PCSK9: variants seen among roughly 807,000 people sequenced by gnomAD.
PCSK9 encodes the protein proprotein convertase subtilisin/kexin type 9.
Under a neutral mutation model 62.1 loss-of-function variants are expected in PCSK9, and 57 were observed. The ratio of observed to expected loss-of-function variants is 0.92; its 90% confidence interval spans 0.74 to 1.14. The LOEUF is 1.14. Ranked by LOEUF, PCSK9 falls within the 50% of genes most tolerant of loss-of-function variation. PCSK9 has a pLI of 0.00. For missense variants in PCSK9, 870 were observed against 959.8 expected (o/e 0.91, Z 1.24); for synonymous variants, 387 against 409.4 (o/e 0.95, Z 0.66).
chr1:55,056,149 G>C lies in PCSK9; in HGVS notation c.956G>C (p.Arg319Pro). 6.5e-7 allele frequency: 1 copy of C among 1,540,474 alleles called. No individual in the cohort carries two copies. Among genetic ancestry groups the C allele is most frequent in the Non-Finnish European group, 8.8e-7 (1 of 1,136,058 alleles). ...VVLVTAAGNFRDDACLYSPAS... is the reference protein window; with the variant it reads ...VVLVTAAGNFPDDACLYSPAS... ...CTGGTCACCGCTGCCGGCAACTTCC[G>C]GGACGATGCCTGCCTCTACTCCCCA... The change falls in exon 6 of 12, where the codon CGG becomes CCG. Residue 319 changes from arginine to proline, a missense_variant. Arg to Pro is a moderately radical substitution (Grantham distance 103, BLOSUM62 -2). Coordinates refer to ENST00000302118, the MANE Select transcript of PCSK9 (RefSeq NM_174936.4).
intron 3 of PCSK9, among the ~76,000 whole-genome samples, chr1:55,048,411 C>T (rs1310757034): frequency 2.6e-5 from 4 of 152,212 alleles, no homozygotes; most frequent in East Asian, 1.9e-4. Context: ...TCTTTGGCAG[C>T]CACTGTTCCC....
At chr1:55,041,462 G>A (rs565758475) in intron 1 of PCSK9, among the ~76,000 whole-genome samples, 5 of 152,282 alleles carry the variant, frequency 3.3e-5, no homozygotes, top group African/African-American at 1.2e-4. Context: ...GAAATAGTGA[G>A]TACCCCATCC....
chr1:55,057,272 G>C, intron 6 of PCSK9, 59 bp from the exon 7 acceptor site: 1 of 1,562,232 alleles, frequency 6.4e-7, no homozygotes, highest in Non-Finnish European at 8.8e-7. Flanking sequence ...GCCTGAGTCT[G>C]CCTCTGCAAC....
At chr1:55,047,569 A>T (rs1226448897) in intron 3 of PCSK9, among the ~76,000 whole-genome samples, 2 of 152,162 alleles carry the variant, frequency 1.3e-5, no homozygotes, top group African/African-American at 2.4e-5. Flanking sequence ...TGAGACTCCA[A>T]TGAGTTGAAG....
intron 2 of PCSK9, among the ~76,000 whole-genome samples, chr1:55,044,519 G>C (rs914968675): frequency 9.2e-5 from 14 of 152,138 alleles, no homozygotes; most frequent in Admixed American, 6.5e-5. Context: ...CTCCCTCCTG[G>C]ATGTCACATC....
rs201557607 is a variant in PCSK9, at chr1:55,063,555, C to G, written c.2050C>G (p.Leu684Val). The change falls in exon 12 of 12, where the codon CTG becomes GTG. Residue 684 changes from leucine to valine, a missense_variant. Coordinates refer to ENST00000302118, the MANE Select transcript of PCSK9 (RefSeq NM_174936.4). ...TGCCATCTGCTGCCGGAGCCGGCAC[C>G]TGGCGCAGGCCTCCCAGGAGCTCCA... Reference protein sequence around the residue: ...AVAICCRSRHLAQASQELQ With the variant: ...AVAICCRSRHVAQASQELQ 108 of 1,612,650 alleles carry G rather than the reference C, an allele frequency of 6.7e-5. No homozygotes were observed. The highest frequency in any genetic ancestry group is 8.5e-5 in the Non-Finnish European group (100 of 1,179,910).
At position 55,039,680 on chromosome 1, in the gene PCSK9, C is replaced by T; in HGVS notation, c.-158C>T. ...GCGTCGTTGCAGCAGCGGCTCCCAG[C>T]TCCCAGCCAGGATTCCGCGCGCCCC... On this transcript the variant is annotated 5_prime_UTR_variant, in exon 1 of 12. Coordinates refer to ENST00000302118, the MANE Select transcript of PCSK9 (RefSeq NM_174936.4). 1.2e-6 allele frequency: 1 copy of T among 857,260 alleles called. No individual in the cohort carries two copies. Among genetic ancestry groups the T allele is most frequent in the Non-Finnish European group, 1.8e-6 (1 of 558,836 alleles). The allele number at this position is 857,260 out of a possible 1,614,324, so 53.1% of individuals were successfully genotyped here. A position where few individuals can be genotyped will look rare whatever the true frequency, so the allele number is the denominator to read the frequency against.
chr1:55,045,699 AT>A (rs373507733), intron 2 of PCSK9, among the ~76,000 whole-genome samples: 22,398 of 139,622 alleles, frequency 0.16, 1,737 homozygotes, highest in African/African-American at 0.23. Context: ...GATGCACACC[AT>A]TTTTTTTTTT....
At position 55,063,778 on chromosome 1, in the gene PCSK9, G is replaced by A; in HGVS notation, c.*194G>A. On this transcript the variant is annotated 3_prime_UTR_variant, in exon 12 of 12. Coordinates refer to ENST00000302118, the MANE Select transcript of PCSK9 (RefSeq NM_174936.4). The stretch of plus-strand genomic sequence containing the variant: ...TGCCTGGAACTCACTCACTCTGGGT[G>A]CCTCCTCCCCAGGTGGAGGTGCCAG... 1.5e-6 allele frequency: 1 copy of A among 657,752 alleles called. No individual in the cohort carries two copies. The highest frequency in any genetic ancestry group is 2.6e-6 in the Non-Finnish European group (1 of 391,866). 40.7% of individuals were successfully genotyped at this position (657,752 alleles called of 1,614,324 possible).
chr1:55,056,197 C>T lies in PCSK9; in HGVS notation c.996+8C>T. 1 of 1,088,108 alleles carries T rather than the reference C, an allele frequency of 9.2e-7. No homozygotes were observed. Among genetic ancestry groups the T allele is most frequent in the Non-Finnish European group, 1.1e-6 (1 of 882,974 alleles). 67.4% of individuals were successfully genotyped at this position (1,088,108 alleles called of 1,614,324 possible). A position where few individuals can be genotyped will look rare whatever the true frequency, so the allele number is the denominator to read the frequency against. ...CCAGCCTCAGCTCCCGAGGTAGGTG[C>T]TGGGGCTGCTGCCCCAAGGCGCGGG... On this transcript the variant is annotated splice_region_variant and intron_variant, in intron 6 of 11. Coordinates refer to ENST00000302118, the MANE Select transcript of PCSK9 (RefSeq NM_174936.4).
In PCSK9 at chr1:55,040,126, C is replaced by T; in HGVS notation, c.207+82C>T. On this transcript the variant is annotated intron_variant, in intron 1 of 11. Transcript: ENST00000302118. The surrounding 1 kb of genome is among the most constrained non-coding windows in gnomAD (Gnocchi z 4.1). Reference sequence around the variant, plus strand: ...TGTTTCCTCTCGGGCCTCAGTTTCCCCCCATGTAAGAGAGGAAGTGGAGTG... The same window carrying T: ...TGTTTCCTCTCGGGCCTCAGTTTCCTCCCATGTAAGAGAGGAAGTGGAGTG... 1.3e-6 allele frequency: 2 copies of T among 1,495,944 alleles called. No individual in the cohort carries two copies. The highest frequency in any genetic ancestry group is 1.2e-5 in the South Asian group (1 of 81,742). 92.7% of individuals were successfully genotyped at this position (1,495,944 alleles called of 1,614,324 possible).
intron 1 of PCSK9, among the ~76,000 whole-genome samples, chr1:55,041,926 AAGG>A (rs1187252133): frequency 6.6e-6 from 1 of 152,162 alleles, no homozygotes; most frequent in African/African-American, 2.4e-5. Flanking sequence ...GGTGGAAGAT[AAGG>A]AGCACATGTC....
At chr1:55,056,603 A>G (rs1644717213) in intron 6 of PCSK9, among the ~76,000 whole-genome samples, 1 of 152,054 alleles carries the variant, frequency 6.6e-6, no homozygotes, top group Non-Finnish European at 1.5e-5. Context: ...CGGCTCCATG[A>G]CTGACAACTT....
At chr1:55,058,306 G>T (rs1320369596) in intron 8 of PCSK9, 97 bp downstream of exon 8, 3 of 1,511,210 alleles carry the variant, frequency 2.0e-6, no homozygotes, top group Non-Finnish European at 2.7e-6. Context: ...GTGTAAGGAG[G>T]ATGACGCCAC....
chr1:55,061,247 T>A, intron 10 of PCSK9, 128 bp from the exon 11 acceptor site: 2 of 1,084,734 alleles, frequency 1.8e-6, no homozygotes. Context: ...TCTCTTTTTT[T>A]CTTTGAGTTG....
At position 55,052,702 on chromosome 1, in the gene PCSK9, G is replaced by T; in HGVS notation, c.710G>T (p.Arg237Leu). 6.2e-7 allele frequency: 1 copy of T among 1,613,154 alleles called. No individual in the cohort carries two copies. The highest frequency in any genetic ancestry group is 8.5e-7 in the Non-Finnish European group (1 of 1,179,950). ...GTHLAGVVSGRDAGVAKGASM... is the reference protein window; with the variant it reads ...GTHLAGVVSGLDAGVAKGASM... Reference sequence around the variant, plus strand: ...CACCTGGCAGGGGTGGTCAGCGGCCGGGATGCCGGCGTGGCCAAGGGTGCC... The same window carrying T: ...CACCTGGCAGGGGTGGTCAGCGGCCTGGATGCCGGCGTGGCCAAGGGTGCC... The change falls in exon 5 of 12, where the codon CGG becomes CTG. Residue 237 changes from arginine (R) to leucine (L), a missense_variant. Transcript: ENST00000302118.
Position 55,055,978 on chromosome 1 carries a change from C to T in PCSK9, c.800-15C>T. On this transcript the variant is annotated splice_polypyrimidine_tract_variant and intron_variant, in intron 5 of 11. Coordinates refer to ENST00000302118, the MANE Select transcript of PCSK9 (RefSeq NM_174936.4). ...AGGTCTCCCCAAGGGGTGACCTTGG[C>T]TTTGTTCCTCCCAGGCCTGGAGTTT... 6.2e-7 allele frequency: 1 copy of T among 1,602,090 alleles called. No individual in the cohort carries two copies. Among genetic ancestry groups the T allele is most frequent in the South Asian group, 1.1e-5 (1 of 89,246 alleles).
intron 5 of PCSK9, among the ~76,000 whole-genome samples, chr1:55,053,925 G>A (rs1644694335): frequency 6.6e-6 from 1 of 152,136 alleles, no homozygotes; most frequent in Admixed American, 6.5e-5. Flanking sequence ...CCCTTCTTTG[G>A]GGTCCCAGTC....
rs765191013 is a variant in PCSK9, at chr1:55,046,639, GC to G, written c.522del (p.Asp175ThrfsTer11). On this transcript the variant is annotated frameshift_variant, in exon 3 of 12. Coordinates refer to ENST00000302118, the MANE Select transcript of PCSK9 (RefSeq NM_174936.4). LOFTEE classifies it high-confidence loss of function. ...PPRYRADEYQ[P>X]PDGGSLVEVY... The stretch of plus-strand genomic sequence containing the variant: ...CACGGTACCGGGCGGATGAATACCA[GC>G]CCCCCGGTAAGACCCCCATCTGTGC... 2 of 1,613,838 alleles carry G rather than the reference GC, an allele frequency of 1.2e-6. No homozygotes were observed. The highest frequency in any genetic ancestry group is 1.7e-6 in the Non-Finnish European group (2 of 1,179,962).
Sources: allele counts gnomAD v4.1 joint callset (sites outside exome capture counted in the v4.1 genomes callset), GRCh38; gene constraint gnomAD v4.1.1; non-coding constraint Gnocchi (gnomAD v3.1); transcripts MANE v1.5; gene names NCBI Gene and HGNC (gene_info 2026-07-23, HGNC 2026-07-21).